Variants in MUC6 observed in about 807,000 individuals in gnomAD.
MUC6 encodes mucin 6, oligomeric mucus/gel-forming (gene/pseudogene), also known as mucin-6.
Under a neutral mutation model 201.5 loss-of-function variants are expected in MUC6, and 188 were observed. That is an observed-to-expected ratio of 0.93 (90% CI 0.83 to 1.05). The LOEUF (loss-of-function observed/expected upper bound fraction) is 1.05, where lower values mean the gene tolerates loss of function less well. MUC6 is among the 50% of genes least tolerant of loss of function. The probability of loss-of-function intolerance (pLI) is 0.00; values close to 1 mark genes in which losing one functional copy is unlikely to be tolerated. For synonymous variants in MUC6, 1,228 were observed against 1,389.4 expected, an observed-to-expected ratio of 0.88 and a Z score of 2.58; for missense variants, 2,706 against 3,256.9, an observed-to-expected ratio of 0.83 and a Z score of 4.12.
At chr11:1,026,812 A>T in intron 19 of MUC6, 129 bp downstream of exon 19, 1 of 1,028,330 alleles carries the variant, frequency 9.7e-7, no homozygotes, top group Non-Finnish European at 1.4e-6. Flanking sequence ...GGCCGCTTCC[A>T]CCTCGTGGCC....
chr11:1,018,712 A>G lies in MUC6; in HGVS notation c.4089T>C (p.Arg1363=). The G allele has an allele frequency of 6.3e-7, 1 of 1,590,280 alleles. No homozygotes were observed. Among genetic ancestry groups the G allele is most frequent in the Non-Finnish European group, 8.5e-7 (1 of 1,169,760 alleles). Residue 1363 remains arginine (R), a synonymous_variant, in exon 31 of 33, where the codon CGT becomes CGC. Transcript: ENST00000421673. ...GGCCTGTGGTGCTTGCTGGGGTTGG[A>G]CGTGGGCCTGTCGTCTGGGTGGCCG... ...GTTATQTTGP[R]PTPASTTGPT...
intron 1 of MUC6, among the ~76,000 whole-genome samples, chr11:1,034,152 C>T (rs1189576476): frequency 2.6e-5 from 4 of 152,172 alleles, no homozygotes; most frequent in East Asian, 1.9e-4. Flanking sequence ...AGGCTGCCTG[C>T]CCCTTGGCCG....
In MUC6 at chr11:1,031,930, G is replaced by C. The variant is rs775142386; in HGVS notation, c.239C>G (p.Pro80Arg). The change falls in exon 3 of 33, where the codon CCC becomes CGC. Residue 80 changes from proline (P) to arginine (R), a missense_variant. By Grantham distance (103) the Pro-to-Arg change is moderately radical. Transcript: ENST00000421673. Reference protein sequence around the residue: ...IFAATCKDAFPTFSVQLRRGP... With the variant: ...IFAATCKDAFRTFSVQLRRGP... ...TCGCCGCAGCTGGACACTGAAGGTG[G>C]GGAAGGCGTCCTTGCAGGTGGCCGC... is the stretch of plus-strand genomic sequence containing the variant. The C allele has an allele frequency of 2.0e-5, 33 of 1,613,482 alleles. No homozygotes were observed. The Admixed American group carries it at 5.3e-4, about 26-fold the overall frequency.
chr11:1,030,370 A>ACCCCCCCCCCCCCCCCCCT, intron 7 of MUC6, 35 bp from the exon 8 acceptor site: 1 of 992,836 alleles, frequency 1.0e-6, no homozygotes, highest in Non-Finnish European at 1.3e-6. Flanking sequence ...AGAGGGTCCC[A>ACCCCCCCCCCCCCCCCCCT]CCCCCCCCAC....
chr11:1,019,802 C>G, intron 29 of MUC6: 1 of 626,490 alleles, frequency 1.6e-6, no homozygotes, highest in Non-Finnish European at 2.8e-6. Flanking sequence ...GGGCCCTGCT[C>G]GGTGTGGGGC....
rs146636418 is a variant in MUC6 at position 1,033,997 on chromosome 11, C to T, written c.53-922G>A. 2.6e-5 allele frequency among the ~76,000 whole-genome samples: 4 copies of T among 152,336 alleles called. No homozygotes were observed. Among genetic ancestry groups the T allele is most frequent in the African/African-American group, 7.2e-5 (3 of 41,586 alleles). On this transcript the variant is annotated intron_variant, in intron 1 of 32. Transcript: ENST00000421673. The surrounding 1 kb of genome is among the most constrained non-coding windows in gnomAD (Gnocchi z 5.6). The stretch of plus-strand genomic sequence containing the variant: ...AGATCCCATTCCTGCCACTCCTCAC[C>T]TGTGCTCTCACCCCAGGCTCTGCCC...
At chr11:1,026,564 G>A (rs1418958635) in intron 19 of MUC6, 86 bp from the exon 20 acceptor site, 23 of 1,374,232 alleles carry the variant, frequency 1.7e-5, no homozygotes, top group African/African-American at 8.8e-5. Flanking sequence ...ACTGCCCGGC[G>A]TGTCTCCCAG....
In MUC6 at chr11:1,036,591, C is replaced by A; in HGVS notation, c.52+13G>T. The A allele has an allele frequency of 6.5e-7, 1 of 1,548,860 alleles. No homozygotes were observed. Among genetic ancestry groups the A allele is most frequent in the African/African-American group, 1.4e-5 (1 of 73,112 alleles). The stretch of plus-strand genomic sequence containing the variant: ...GGGCACCGCAGTGTCTGGCGCCCCT[C>A]GACCTCACTCACCAGCGCTGAGCAG... On this transcript the variant is annotated intron_variant, in intron 1 of 32. Transcript: ENST00000421673.
Position 1,033,829 on chromosome 11 carries a change from C to T in MUC6, c.53-754G>A, listed in dbSNP as rs527556472. Among the ~76,000 whole-genome samples, 4 of 152,154 alleles carry T rather than the reference C, an allele frequency of 2.6e-5. No individual in the cohort carries two copies. Among genetic ancestry groups the T allele is most frequent in the Non-Finnish European group, 4.4e-5 (3 of 67,988 alleles). On this transcript the variant is annotated intron_variant, in intron 1 of 32. Coordinates refer to ENST00000421673, the MANE Select transcript of MUC6 (RefSeq NM_005961.3). This position sits in a 1 kb window ranked among gnomAD's most constrained non-coding sequence, Gnocchi z 5.6. Reference sequence around the variant, plus strand: ...ACTATGACCCTTCCTGTGGCTCCCACGAGCCCCCGATGTCTGAGTGGTGGT... The same window carrying T: ...ACTATGACCCTTCCTGTGGCTCCCATGAGCCCCCGATGTCTGAGTGGTGGT...
intron 28 of MUC6, 27 bp from the exon 29 acceptor site, chr11:1,020,284 C>T (rs1370344781): frequency 2.5e-6 from 4 of 1,586,060 alleles, no homozygotes; most frequent in Non-Finnish European, 3.4e-6. Flanking sequence ...GCCATCAGGG[C>T]TGCAGGGTAC....
intron 31 of MUC6, among the ~76,000 whole-genome samples, chr11:1,014,834 C>T (rs899564622): frequency 1.3e-5 from 2 of 152,126 alleles, no homozygotes; most frequent in Admixed American, 6.5e-5. Context: ...TAGGCCCTGC[C>T]GTCCCCAGCT....
At chr11:1,026,578 C>G (rs1856965687) in intron 19 of MUC6, 100 bp from the exon 20 acceptor site, 1 of 1,328,606 alleles carries the variant, frequency 7.5e-7, no homozygotes, top group Non-Finnish European at 1.0e-6. Context: ...CTCCCAGGTC[C>G]TCTCCCTGAA....
chr11:1,013,976 C>T lies in MUC6; in HGVS notation c.7065G>A (p.Gln2355=), dbSNP rs1466760520. 1 of 1,608,750 alleles carries T rather than the reference C, an allele frequency of 6.2e-7. No individual in the cohort carries two copies. ...TGCACCCCTTGAACGTGATCTCCTC[C>T]TGCTGCTCCCGCACACTGCAGACCC... ...SPGVCSVREQ[Q]EEITFKGCMA... The change falls in exon 32 of 33, where the codon CAG becomes CAA. Residue 2355 remains glutamine, a synonymous_variant. Coordinates refer to ENST00000421673, the MANE Select transcript of MUC6 (RefSeq NM_005961.3).
In MUC6 at chr11:1,024,119, C is replaced by CCAGT; in HGVS notation, c.3226-20_3226-17dup. The CCAGT allele has an allele frequency of 6.2e-7, 1 of 1,607,558 alleles. No individual in the cohort carries two copies. ...GGTGGTATACCTGCAGGGGTGTGTG[C>CCAGT]CAGTCAGTGTCTGGCTGCCGGGGGA... is the stretch of plus-strand genomic sequence containing the variant. On this transcript the variant is annotated splice_polypyrimidine_tract_variant and intron_variant, in intron 24 of 32. Transcript: ENST00000421673.
chr11:1,026,253 C>G, intron 20 of MUC6, 74 bp downstream of exon 20: 1 of 1,540,988 alleles, frequency 6.5e-7, no homozygotes, highest in Non-Finnish European at 8.7e-7. Context: ...TGGGACAGCC[C>G]CACCCCGGGC....
In MUC6 at chr11:1,019,402, C is replaced by T. The variant is rs753508453; in HGVS notation, c.3903G>A (p.Val1301=). Residue 1301 remains valine, a synonymous_variant, in exon 30 of 33, where the codon GTG becomes GTA. Coordinates refer to ENST00000421673, the MANE Select transcript of MUC6 (RefSeq NM_005961.3). ...CCGTGGCCCTGGTTGTGGCCTGGGT[C>T]ACTGTGGGTTTTGTGGCTGTCGATC... The part of the protein sequence containing the change: ...TLRSTATKPT[V]TQATTRATAS... 1 of 1,613,694 alleles carries T rather than the reference C, an allele frequency of 6.2e-7. No individual in the cohort carries two copies. The highest frequency in any genetic ancestry group is 1.1e-5 in the South Asian group (1 of 91,072).
At chr11:1,032,267 T>G (rs115450657) in intron 2 of MUC6, among the ~76,000 whole-genome samples, 3,301 of 152,202 alleles carry the variant, frequency 0.022, 135 homozygotes, top group African/African-American at 0.076. Flanking sequence ...CACGTGTGTG[T>G]GGGTACACGT....
rs755399937 is a variant in MUC6 at position 1,027,784 on chromosome 11, TCTC to T, written c.1879_1881del (p.Glu627del). Reference sequence around the variant, plus strand: ...AGGGCGGCACAGATGTGGGGAAAGGTCTCCTCGTAGTTGCAGGCCTGGTACACG... The same window carrying T: ...AGGGCGGCACAGATGTGGGGAAAGGTCTCGTAGTTGCAGGCCTGGTACACG... On this transcript the variant is annotated inframe_deletion, in exon 16 of 33. Coordinates refer to ENST00000421673, the MANE Select transcript of MUC6 (RefSeq NM_005961.3). 15 of 1,611,066 alleles carry T rather than the reference TCTC, an allele frequency of 9.3e-6. No homozygotes were observed. Among genetic ancestry groups the T allele is most frequent in the African/African-American group, 4.0e-5 (3 of 75,012 alleles).
Position 1,031,602 on chromosome 11 carries a change from C to T in MUC6, c.483+5G>A, listed in dbSNP as rs149883855. 23,290 of 1,547,388 alleles carry T rather than the reference C, an allele frequency of 0.015. 255 individuals are homozygous for T. The highest frequency in any genetic ancestry group is 0.029 in the Middle Eastern group (133 of 4,626). ...CCAGGCCCACCCTGGCCCTTCTCTC[C>T]TCACCATGAGGTGGCTGTCAGGACC... On this transcript the variant is annotated splice_donor_5th_base_variant and intron_variant, in intron 4 of 32. Coordinates refer to ENST00000421673, the MANE Select transcript of MUC6 (RefSeq NM_005961.3).
Sources: allele counts gnomAD v4.1 joint callset (sites outside exome capture counted in the v4.1 genomes callset), GRCh38; gene constraint gnomAD v4.1.1; non-coding constraint Gnocchi (gnomAD v3.1); transcripts MANE v1.5; gene names NCBI Gene and HGNC (gene_info 2026-07-23, HGNC 2026-07-21).